LMO1: variants seen among roughly 807,000 people sequenced by gnomAD.
LMO1 encodes the protein LIM domain only 1, also known as rhombotin-1.
A neutral mutation model predicts 18.0 loss-of-function variants in LMO1; 10 were observed. The observed-to-expected ratio is 0.55, with a 90% confidence interval of 0.34 to 0.94. LMO1 has a LOEUF of 0.94. Among genes scored for constraint, LMO1 ranks in the 40% least tolerant of loss-of-function variants. The pLI is 0.02. For synonymous variants in LMO1, 77 were observed against 77.9 expected (o/e 0.99, Z 0.06); for missense variants, 183 against 205.7 (o/e 0.89, Z 0.68).
chr11:8,254,427 T>G (rs1037584357), intron 1 of LMO1, among the ~76,000 whole-genome samples: 1 of 152,204 alleles, frequency 6.6e-6, no homozygotes, highest in Non-Finnish European at 1.5e-5. Flanking sequence ...ACCAGCCCAC[T>G]TACCACCCCA....
chr11:8,257,390 G>A (rs1847114927), intron 1 of LMO1, among the ~76,000 whole-genome samples: 1 of 152,214 alleles, frequency 6.6e-6, no homozygotes, highest in Admixed American at 6.5e-5. Flanking sequence ...CCCAGGACAG[G>A]TGAGTGTCCC....
Position 8,237,440 on chromosome 11 carries a change from T to C in LMO1, c.26-6936A>G, listed in dbSNP as rs575798354. 8.5e-5 allele frequency among the ~76,000 whole-genome samples: 13 copies of C among 152,308 alleles called. No individual in the cohort carries two copies. The East Asian group carries it at 2.5e-3, about 29-fold the overall frequency. On this transcript the variant is annotated intron_variant, in intron 1 of 3. Transcript: ENST00000335790. ...GCCTCCATTTCACACCAGTTTTATC[T>C]CCACAATTTCTCGTCTCACTGCACT...
At position 8,263,387 on chromosome 11, in the gene LMO1, A is replaced by G. The variant is rs774869486; in HGVS notation, c.-25T>C. The G allele has an allele frequency of 6.2e-7, 1 of 1,601,032 alleles. No homozygotes were observed. Among genetic ancestry groups the G allele is most frequent in the East Asian group, 2.3e-5 (1 of 44,168 alleles). Reference sequence around the variant, plus strand: ...TCTCGGGCGCTCCGTGTCCAGCCGCAGCTAGGCTCGGCCGGGAGAAGGGCG... The same window carrying G: ...TCTCGGGCGCTCCGTGTCCAGCCGCGGCTAGGCTCGGCCGGGAGAAGGGCG... On this transcript the variant is annotated 5_prime_UTR_variant, in exon 1 of 4. Coordinates refer to ENST00000335790, the MANE Select transcript of LMO1 (RefSeq NM_002315.3).
In LMO1 at chr11:8,235,562, T is replaced by C. The variant is rs115308147; in HGVS notation, c.26-5058A>G. ...TTACCAATTTCTTCAAAAATATCTT[T>C]TATGGAAAAATCCTGGGCCCTGCAT... On this transcript the variant is annotated intron_variant, in intron 1 of 3. Transcript: ENST00000335790. 5.6e-3 allele frequency among the ~76,000 whole-genome samples: 846 copies of C among 152,360 alleles called. 7 individuals carry two copies. The highest frequency in any genetic ancestry group is 0.018 in the African/African-American group (752 of 41,582).
At chr11:8,228,024 G>A (rs1289077182) in intron 2 of LMO1, among the ~76,000 whole-genome samples, 1 of 152,162 alleles carries the variant, frequency 6.6e-6, no homozygotes, top group Non-Finnish European at 1.5e-5. Flanking sequence ...TGTGTTACTT[G>A]CCTAAGTCCC....
Position 8,259,232 on chromosome 11 carries a change from C to T in LMO1, c.25+4106G>A, listed in dbSNP as rs192673230. On this transcript the variant is annotated intron_variant, in intron 1 of 3. Coordinates refer to ENST00000335790, the MANE Select transcript of LMO1 (RefSeq NM_002315.3). The stretch of plus-strand genomic sequence containing the variant: ...AATTTATGTTGTTTCCCTGTCCCCC[C>T]TTAGTGCTGCTCTGTGTGAGCAAAT... Among the ~76,000 whole-genome samples the T allele has an allele frequency of 1.8e-4, 27 of 152,272 alleles. No individual in the cohort carries two copies. In the East Asian group the frequency reaches 3.7e-3, roughly 21 times the overall value.
rs546994624 is a variant in LMO1 at position 8,262,488 on chromosome 11, C to A, written c.25+850G>T. 1.6e-4 allele frequency among the ~76,000 whole-genome samples: 25 copies of A among 152,276 alleles called. No homozygotes were observed. The South Asian group carries it at 4.8e-3, about 29-fold the overall frequency. ...ACACTTAACTGCAGGGCACTCCCTGCCAGTAAGGCTTTGGGGTCTATGGGA... is the reference window on the plus strand; with the variant it reads ...ACACTTAACTGCAGGGCACTCCCTGACAGTAAGGCTTTGGGGTCTATGGGA... On this transcript the variant is annotated intron_variant, in intron 1 of 3. Coordinates refer to ENST00000335790, the MANE Select transcript of LMO1 (RefSeq NM_002315.3).
At chr11:8,248,591 A>C (rs1299581682) in intron 1 of LMO1, among the ~76,000 whole-genome samples, 1 of 152,226 alleles carries the variant, frequency 6.6e-6, no homozygotes. Flanking sequence ...CTCTGGACTG[A>C]TCTTAGTTGA....
chr11:8,259,661 G>A (rs1847153668), intron 1 of LMO1, among the ~76,000 whole-genome samples: 1 of 152,164 alleles, frequency 6.6e-6, no homozygotes, highest in South Asian at 2.1e-4. Context: ...CCCTCTCCAG[G>A]GTTGGGACGG....
At chr11:8,261,932 ACAC>A (rs1847192860) in intron 1 of LMO1, among the ~76,000 whole-genome samples, 1 of 151,974 alleles carries the variant, frequency 6.6e-6, no homozygotes, top group Admixed American at 6.6e-5. Flanking sequence ...CTCTCTTCCT[ACAC>A]ACATACTGAG....
intron 1 of LMO1, among the ~76,000 whole-genome samples, chr11:8,237,166 T>G (rs1952774685): frequency 6.6e-6 from 1 of 150,930 alleles, no homozygotes; most frequent in South Asian, 2.1e-4. Flanking sequence ...GTGGGGAGAC[T>G]CACTCTCTGG....
chr11:8,263,444 G>A lies in LMO1; in HGVS notation c.-82C>T. ...CGGGGCGCGCTTTGGAGGGGCGGCC[G>A]GTCTTCGGGCAGCTAGCGGGCTCTA... is the stretch of plus-strand genomic sequence containing the variant. On this transcript the variant is annotated 5_prime_UTR_variant, in exon 1 of 4. Transcript: ENST00000335790. 6.3e-7 allele frequency: 1 copy of A among 1,575,058 alleles called. No individual in the cohort carries two copies.
chr11:8,253,641 G>T (rs191080996), intron 1 of LMO1, among the ~76,000 whole-genome samples: 145 of 152,226 alleles, frequency 9.5e-4, no homozygotes, highest in African/African-American at 3.3e-3. Context: ...TTTAAAGATC[G>T]AGGGGAGAGG....
chr11:8,237,662 C>G (rs1027456913), intron 1 of LMO1, among the ~76,000 whole-genome samples: 2 of 152,240 alleles, frequency 1.3e-5, no homozygotes, highest in African/African-American at 4.8e-5. Context: ...GAGGCAGGGG[C>G]TCCTATGGCC....
At chr11:8,246,114 T>C (rs949289136) in intron 1 of LMO1, among the ~76,000 whole-genome samples, 2 of 152,150 alleles carry the variant, frequency 1.3e-5, no homozygotes, top group Non-Finnish European at 2.9e-5. Flanking sequence ...CCTGCAACAC[T>C]GGGAATCTCA....
chr11:8,246,478 C>G (rs1846895943), intron 1 of LMO1, among the ~76,000 whole-genome samples: 1 of 152,072 alleles, frequency 6.6e-6, no homozygotes, highest in Non-Finnish European at 1.5e-5. Context: ...TATGAAATGT[C>G]CAGAATAGGC....
Position 8,263,428 on chromosome 11 carries a change from C to G in LMO1, c.-66G>C. On this transcript the variant is annotated 5_prime_UTR_variant, in exon 1 of 4. Coordinates refer to ENST00000335790, the MANE Select transcript of LMO1 (RefSeq NM_002315.3). ...GAGAAGGGCGCCGACTCGGGGCGCG[C>G]TTTGGAGGGGCGGCCGGTCTTCGGG... The G allele has an allele frequency of 6.3e-7, 1 of 1,586,650 alleles. No individual in the cohort carries two copies. The highest frequency in any genetic ancestry group is 8.5e-7 in the Non-Finnish European group (1 of 1,172,306).
intron 1 of LMO1, among the ~76,000 whole-genome samples, chr11:8,235,257 GT>G (rs1439292819): frequency 6.6e-6 from 1 of 152,212 alleles, no homozygotes; most frequent in Admixed American, 6.5e-5. Context: ...AAAAATTCCT[GT>G]AAGCCCTTCA....
At chr11:8,246,404 C>T (rs1326839930) in intron 1 of LMO1, among the ~76,000 whole-genome samples, 2 of 152,136 alleles carry the variant, frequency 1.3e-5, no homozygotes, top group African/African-American at 4.8e-5. Flanking sequence ...ATGAAGGAAC[C>T]TTGCAAACAT....
Sources: gnomAD v4.1 joint callset for allele counts (sites outside exome capture counted in the v4.1 genomes callset) on GRCh38, gnomAD v4.1.1 for gene constraint, MANE v1.5 for transcripts, NCBI Gene and HGNC (gene_info 2026-07-23, HGNC 2026-07-21) for gene names.